Variants in IP6K1 observed in about 807,000 individuals in gnomAD.
IP6K1 encodes the protein ATP:1D-myo-inositol-hexakisphosphate phosphotransferase.
In IP6K1, 13 loss-of-function variants were observed where a neutral mutation model predicts 38.3. The observed-to-expected ratio is 0.34, with a 90% CI of 0.22 to 0.54. The LOEUF is 0.54. Ranked by LOEUF, IP6K1 falls within the 20% of genes least tolerant of loss-of-function variation. The pLI, the probability that IP6K1 is intolerant of heterozygous loss-of-function variation, is 0.92. For missense variants in IP6K1, 397 were observed against 599.8 expected, an observed-to-expected ratio of 0.66 and a Z score of 3.53; for synonymous variants, 212 against 229.9, an observed-to-expected ratio of 0.92 and a Z score of 0.70.
intron 2 of IP6K1, among the ~76,000 whole-genome samples, chr3:49,741,071 A>AACT (rs1307109072): frequency 6.6e-6 from 1 of 152,032 alleles, no homozygotes; most frequent in African/African-American, 2.4e-5. Flanking sequence ...GCTGGTCTTG[A>AACT]ACTACTGACC....
chr3:49,760,166 A>C (rs956687417), intron 1 of IP6K1, among the ~76,000 whole-genome samples: 1 of 152,218 alleles, frequency 6.6e-6, no homozygotes, highest in South Asian at 2.1e-4. Context: ...AAAGTGCTGC[A>C]ATTATAGGCC....
intron 3 of IP6K1, among the ~76,000 whole-genome samples, chr3:49,736,051 G>C (rs2080608223): frequency 6.6e-6 from 1 of 151,996 alleles, no homozygotes; most frequent in Non-Finnish European, 1.5e-5. Flanking sequence ...CAAGTAGCTG[G>C]GATTACAGGC....
intron 1 of IP6K1, among the ~76,000 whole-genome samples, chr3:49,771,184 G>GA (rs2080955427): frequency 1.5e-5 from 1 of 66,566 alleles, no homozygotes; most frequent in Non-Finnish European, 2.9e-5. Flanking sequence ...CTAAAACTCA[G>GA]TAACAAAAAA....
rs2108215556 is a variant in IP6K1, at chr3:49,724,840, C to T, written c.*2282G>A. The T allele has an allele frequency of 6.5e-6, 1 of 152,802 alleles. No individual in the cohort carries two copies. The highest frequency in any genetic ancestry group is 1.5e-5 in the Non-Finnish European group (1 of 68,138). The allele number at this position is 152,802 out of a possible 1,614,324, so 9.5% of individuals were successfully genotyped here. A position where few individuals can be genotyped will look rare whatever the true frequency, so the allele number is the denominator to read the frequency against. Reference sequence around the variant, plus strand: ...TCTTTTAAGCACCACCCGTCCCACCCCACCCTCAGGGGCTGGTGTCAGCTT... The same window carrying T: ...TCTTTTAAGCACCACCCGTCCCACCTCACCCTCAGGGGCTGGTGTCAGCTT... On this transcript the variant is annotated 3_prime_UTR_variant, in exon 6 of 6. Coordinates refer to ENST00000321599, the MANE Select transcript of IP6K1 (RefSeq NM_153273.4).
At chr3:49,773,045 G>T (rs957998797) in intron 1 of IP6K1, among the ~76,000 whole-genome samples, 6 of 151,342 alleles carry the variant, frequency 4.0e-5, no homozygotes, top group Non-Finnish European at 5.9e-5. Flanking sequence ...GGCTGGTTTT[G>T]AACTTCTAAG....
intron 2 of IP6K1, among the ~76,000 whole-genome samples, chr3:49,741,603 C>T (rs907990218): frequency 6.6e-6 from 1 of 152,160 alleles, no homozygotes; most frequent in Non-Finnish European, 1.5e-5. Flanking sequence ...GAAATAAACA[C>T]ACTGCTTTCT....
At chr3:49,771,910 G>T (rs1018460268) in intron 1 of IP6K1, among the ~76,000 whole-genome samples, 1 of 152,124 alleles carries the variant, frequency 6.6e-6, no homozygotes, top group Non-Finnish European at 1.5e-5. Context: ...TACACTGTGT[G>T]AAAGAAACCT....
chr3:49,744,356 T>G (rs902648974), intron 2 of IP6K1, among the ~76,000 whole-genome samples: 1 of 125,056 alleles, frequency 8.0e-6, no homozygotes, highest in African/African-American at 3.1e-5. Flanking sequence ...GAGGCGAGAC[T>G]GCGCCACTGC....
intron 4 of IP6K1, among the ~76,000 whole-genome samples, chr3:49,731,887 CAAAAAA>C (rs71080545): frequency 1.5e-5 from 1 of 65,342 alleles, no homozygotes; most frequent in Non-Finnish European, 2.9e-5. Context: ...GACTCTGTCT[CAAAAAA>C]AAAAAAAAAA....
At chr3:49,741,381 G>A (rs955522787) in intron 2 of IP6K1, among the ~76,000 whole-genome samples, 3 of 152,050 alleles carry the variant, frequency 2.0e-5, no homozygotes, top group Admixed American at 6.6e-5. Flanking sequence ...GTATGAAGTG[G>A]TATCTTATTT....
At chr3:49,737,065 C>A (rs1434725979) in intron 3 of IP6K1, among the ~76,000 whole-genome samples, 1 of 147,708 alleles carries the variant, frequency 6.8e-6, no homozygotes, top group Non-Finnish European at 1.5e-5. Context: ...AGCCACCAAG[C>A]CTGGCCTTTT....
At chr3:49,786,324 C>G (rs2081112942) in intron 1 of IP6K1, 30 bp downstream of exon 1, 1 of 152,300 alleles carries the variant, frequency 6.6e-6, no homozygotes, top group South Asian at 2.1e-4. Context: ...GGCGTCAGGC[C>G]GGTCTATCGG....
chr3:49,763,093 G>A lies in IP6K1; in HGVS notation c.-128-14925C>T, dbSNP rs191037602. ...GCGTGAGCCACCATGCCTGGCCAAG[G>A]TCAATTATTTCTTTTTTTTTTTTTT... On this transcript the variant is annotated intron_variant, in intron 1 of 5. Coordinates refer to ENST00000321599, the MANE Select transcript of IP6K1 (RefSeq NM_153273.4). Among the ~76,000 whole-genome samples the A allele has an allele frequency of 4.0e-5, 6 of 151,096 alleles. No individual in the cohort carries two copies. In the East Asian group the frequency reaches 1.2e-3, roughly 29 times the overall value.
At chr3:49,766,353 G>T (rs969120552) in intron 1 of IP6K1, among the ~76,000 whole-genome samples, 6 of 140,644 alleles carry the variant, frequency 4.3e-5, no homozygotes, top group African/African-American at 1.6e-4. Flanking sequence ...TGGGTGACAA[G>T]AGCGAAACTC....
Position 49,725,574 on chromosome 3 carries a change from C to CTTTA in IP6K1, c.*1544_*1547dup, listed in dbSNP as rs976122982. The CTTTA allele has an allele frequency of 1.4e-4, 22 of 152,710 alleles. No individual in the cohort carries two copies. The highest frequency in any genetic ancestry group is 5.3e-4 in the African/African-American group (22 of 41,462). The allele number at this position is 152,710 out of a possible 1,614,324, so 9.5% of individuals were successfully genotyped here. A position where few individuals can be genotyped will look rare whatever the true frequency, so the allele number is the denominator to read the frequency against. On this transcript the variant is annotated 3_prime_UTR_variant, in exon 6 of 6. Coordinates refer to ENST00000321599, the MANE Select transcript of IP6K1 (RefSeq NM_153273.4). Reference sequence around the variant, plus strand: ...GGCTTCTCACAGCTGGCAGGCTTACCTTTAAAGCCAAACAGGCACTTGCCT... The same window carrying CTTTA: ...GGCTTCTCACAGCTGGCAGGCTTACCTTTATTTAAAGCCAAACAGGCACTTGCCT...
chr3:49,784,384 C>T (rs185773494), intron 1 of IP6K1, among the ~76,000 whole-genome samples: 9 of 152,170 alleles, frequency 5.9e-5, no homozygotes, highest in East Asian at 3.9e-4. Context: ...CAGTGGCTCA[C>T]GCCTGTAATC....
intron 2 of IP6K1, among the ~76,000 whole-genome samples, chr3:49,743,241 T>TAC (rs202144754): frequency 0.044 from 6,074 of 137,206 alleles, 198 homozygotes; most frequent in African/African-American, 0.096. Context: ...AAAAACAAAA[T>TAC]ACACACACAC....
intron 1 of IP6K1, among the ~76,000 whole-genome samples, chr3:49,765,905 G>A (rs1264140716): frequency 5.3e-5 from 8 of 151,336 alleles, no homozygotes; most frequent in African/African-American, 9.7e-5. Flanking sequence ...AGCCAGGCGC[G>A]GTGGCTCACG....
rs746748784 is a variant in IP6K1 at position 49,732,777 on chromosome 3, G to C, written c.616+14C>G. 4 of 1,603,666 alleles carry C rather than the reference G, an allele frequency of 2.5e-6. No homozygotes were observed. The South Asian group carries it at 4.4e-5, about 18-fold the overall frequency. On this transcript the variant is annotated intron_variant, in intron 4 of 5. Coordinates refer to ENST00000321599, the MANE Select transcript of IP6K1 (RefSeq NM_153273.4). ...ACCCAGTAGACACTCCTGAAGGAGG[G>C]GCAACGAGGATACTGTAGAGCTTTC...
Sources: gnomAD v4.1 joint callset for allele counts (sites outside exome capture counted in the v4.1 genomes callset) on GRCh38, gnomAD v4.1.1 for gene constraint, MANE v1.5 for transcripts, NCBI Gene and HGNC (gene_info 2026-07-23, HGNC 2026-07-21) for gene names.